The following PSG3 variants were observed in gnomAD, a reference collection of about 807,000 sequenced individuals.
The protein encoded by PSG3 is pregnancy-specific beta-1-glycoprotein 3.
A neutral mutation model predicts 47.5 loss-of-function variants in PSG3; 61 were observed. That is an observed-to-expected ratio of 1.28 (90% CI 1.05 to 1.59). PSG3 has a LOEUF of 1.59. Among genes scored for constraint, PSG3 ranks in the 40% most tolerant of loss-of-function variants. PSG3 has a pLI of 0.00. For missense variants in PSG3, 756 were observed against 524.0 expected (o/e 1.44, Z -4.32); for synonymous variants, 263 against 198.4 (o/e 1.33, Z -2.74).
chr19:42,724,607 T>G (rs1969347125), intron 5 of PSG3, among the ~76,000 whole-genome samples: 1 of 152,154 alleles, frequency 6.6e-6, no homozygotes, highest in South Asian at 2.1e-4. Context: ...AATTGGTACC[T>G]AAAACTTCTT....
At chr19:42,737,678 A>C (rs1042037327) in intron 2 of PSG3, among the ~76,000 whole-genome samples, 3 of 152,118 alleles carry the variant, frequency 2.0e-5, no homozygotes, top group African/African-American at 7.2e-5. Context: ...CTATAGGGTG[A>C]TTGGAACCCA....
chr19:42,730,075 G>A lies in PSG3; in HGVS notation c.710-19C>T, dbSNP rs781171074. On this transcript the variant is annotated intron_variant, in intron 3 of 6. Coordinates refer to ENST00000327495, the MANE Select transcript of PSG3 (RefSeq NM_021016.4). ...AGCTTCGCTGTGTGGATAACAGAGA[G>A]AAGATTGTCCTGTGTGGCACCTTTG... 2.5e-6 allele frequency: 4 copies of A among 1,609,222 alleles called. No individual in the cohort carries two copies. In the South Asian group the frequency reaches 4.4e-5, roughly 18 times the overall value.
At chr19:42,739,446 C>T (rs918457382) in intron 1 of PSG3, 6 of 250,854 alleles carry the variant, frequency 2.4e-5, no homozygotes, top group Admixed American at 1.5e-4. Context: ...TTCAGAGACC[C>T]TGGGTCTTCC....
intron 5 of PSG3, among the ~76,000 whole-genome samples, chr19:42,727,550 C>T (rs189767736): frequency 2.6e-5 from 4 of 152,146 alleles, no homozygotes; most frequent in African/African-American, 9.7e-5. Context: ...AAATCAAAAC[C>T]ACATTGTTAC....
Position 42,723,967 on chromosome 19 carries a change from A to G in PSG3, c.*15T>C, listed in dbSNP as rs372502916. 7 of 1,603,472 alleles carry G rather than the reference A, an allele frequency of 4.4e-6. No homozygotes were observed. In the African/African-American group the frequency reaches 8.0e-5, roughly 18 times the overall value. ...CTGCCAGTCTTCCTGAAATACAGAA[A>G]TGACATCACGGCTGCTATAATGGAT... On this transcript the variant is annotated 3_prime_UTR_variant, in exon 6 of 7. Transcript: ENST00000327495.
Position 42,738,725 on chromosome 19 carries a change from G to A in PSG3, c.429C>T (p.Tyr143=), listed in dbSNP as rs757928012. 37 of 1,613,734 alleles carry A rather than the reference G, an allele frequency of 2.3e-5. No individual in the cohort carries two copies. In the Middle Eastern group the frequency reaches 5.0e-4, roughly 22 times the overall value. Residue 143 remains tyrosine (Y), a splice_region_variant and synonymous_variant, in exon 2 of 7, where the codon TAC becomes TAT. Coordinates refer to ENST00000327495, the MANE Select transcript of PSG3 (RefSeq NM_021016.4). ...GETGHFTFTL[Y]LETPKPSISS... ...CAGTGATCACGTGGAGTCACTCACGGTATAAGGTGAAGGTGAAATGTCCAG... is the reference window on the plus strand; with the variant it reads ...CAGTGATCACGTGGAGTCACTCACGATATAAGGTGAAGGTGAAATGTCCAG...
intron 2 of PSG3, 175 bp from the exon 3 acceptor site, chr19:42,733,237 T>A (rs1969506642): frequency 1.5e-6 from 2 of 1,334,074 alleles, no homozygotes; most frequent in Non-Finnish European, 1.0e-6. Context: ...TCAGAGATTG[T>A]GAGGCTGCCT....
chr19:42,733,235 T>G (rs1265311506), intron 2 of PSG3, among the ~76,000 whole-genome samples, 173 bp from the exon 3 acceptor site: 1 of 152,060 alleles, frequency 6.6e-6, no homozygotes, highest in Non-Finnish European at 1.5e-5. Flanking sequence ...GCTCAGAGAT[T>G]GTGAGGCTGC....
At chr19:42,729,633 T>A (rs1969437317) in intron 4 of PSG3, 145 bp downstream of exon 4, 1 of 1,523,804 alleles carries the variant, frequency 6.6e-7, no homozygotes. Flanking sequence ...ACCCAGATCT[T>A]CCCAGGGCAG....
chr19:42,734,531 A>G (rs1969529827), intron 2 of PSG3, among the ~76,000 whole-genome samples: 1 of 152,216 alleles, frequency 6.6e-6, no homozygotes, highest in Admixed American at 6.5e-5. Flanking sequence ...TTTGGAGGAA[A>G]CATTGAAATG....
intron 5 of PSG3, among the ~76,000 whole-genome samples, chr19:42,724,284 G>A (rs1969341087): frequency 6.6e-6 from 1 of 152,134 alleles, no homozygotes; most frequent in African/African-American, 2.4e-5. Context: ...ATGTGAGAAA[G>A]GCTGATTGCT....
chr19:42,738,286 G>T (rs1286481973), intron 2 of PSG3, among the ~76,000 whole-genome samples: 3 of 152,228 alleles, frequency 2.0e-5, no homozygotes, highest in East Asian at 3.8e-4. Flanking sequence ...CCCAGCCCCA[G>T]TACAGGCTCC....
At chr19:42,738,240 C>T (rs1969598930) in intron 2 of PSG3, among the ~76,000 whole-genome samples, 3 of 152,208 alleles carry the variant, frequency 2.0e-5, no homozygotes, top group South Asian at 4.1e-4. Context: ...GCTGGTAAAT[C>T]CTTGGTCCCA....
chr19:42,730,143 C>T (rs1488800051), intron 3 of PSG3, 87 bp from the exon 4 acceptor site: 1 of 1,571,392 alleles, frequency 6.4e-7, no homozygotes, highest in Admixed American at 1.8e-5. Flanking sequence ...GCATCTCCCA[C>T]CTCTCAGCCC....
intron 2 of PSG3, among the ~76,000 whole-genome samples, chr19:42,736,657 T>TGTGTGG (rs1330603976): frequency 1.6e-5 from 2 of 123,540 alleles, no homozygotes; most frequent in African/African-American, 5.7e-5. Context: ...TGTGTGTGTG[T>TGTGTGG]GTGCAGGAGG....
intron 4 of PSG3, among the ~76,000 whole-genome samples, 199 bp downstream of exon 4, chr19:42,729,579 C>G (rs1320368441): frequency 2.0e-5 from 3 of 152,198 alleles, no homozygotes; most frequent in Non-Finnish European, 4.4e-5. Flanking sequence ...TCTCCCATGA[C>G]AAGAGCGTCC....
chr19:42,734,471 C>G (rs1357885421), intron 2 of PSG3, among the ~76,000 whole-genome samples: 2 of 152,104 alleles, frequency 1.3e-5, no homozygotes, highest in Non-Finnish European at 2.9e-5. Flanking sequence ...AAAAATTTGT[C>G]AGGAGTTTAG....
In PSG3 at chr19:42,733,193, G is replaced by A. The variant is rs1045229398; in HGVS notation, c.431-131C>T. The A allele has an allele frequency of 3.2e-4, 482 of 1,495,332 alleles. 2 individuals are homozygous for A. The highest frequency in any genetic ancestry group is 4.2e-4 in the Non-Finnish European group (470 of 1,116,366). The allele number at this position is 1,495,332 out of a possible 1,614,324, so 92.6% of individuals were successfully genotyped here. ...CCTTAAAAGCCCATGGCAGGTGTGT[G>A]TGTTACAAGACAGATGCATGGCAAT... On this transcript the variant is annotated intron_variant, in intron 2 of 6. Coordinates refer to ENST00000327495, the MANE Select transcript of PSG3 (RefSeq NM_021016.4).
chr19:42,738,992 A>G lies in PSG3; in HGVS notation c.162T>C (p.Leu54=), dbSNP rs1969617046. Residue 54 remains leucine (L), a synonymous_variant, in exon 2 of 7, where the codon CTT becomes CTC. Transcript: ENST00000327495. Reference sequence around the variant, plus strand: ...CAAGATTCTGGGGCAAATTGTGGACAAGTAGAAGAACGTCCTTCCCCTTGG... The same window carrying G: ...CAAGATTCTGGGGCAAATTGTGGACGAGTAGAAGAACGTCCTTCCCCTTGG... ...KVSKGKDVLL[L]VHNLPQNLAG... is the part of the protein sequence containing the mutation. The G allele has an allele frequency of 3.1e-6, 5 of 1,614,030 alleles. No homozygotes were observed. Among genetic ancestry groups the G allele is most frequent in the Non-Finnish European group, 4.2e-6 (5 of 1,179,958 alleles).
Sources: gnomAD v4.1 joint callset for allele counts (sites outside exome capture counted in the v4.1 genomes callset) on GRCh38, gnomAD v4.1.1 for gene constraint, MANE v1.5 for transcripts, NCBI Gene and HGNC (gene_info 2026-07-23, HGNC 2026-07-21) for gene names.